Variants in TTBK1 observed in about 807,000 individuals in gnomAD.
The protein encoded by TTBK1 is tau tubulin kinase 1.
In TTBK1, 34 loss-of-function variants were observed where a neutral mutation model predicts 108.5. The observed-to-expected ratio is 0.31, with a 90% CI of 0.24 to 0.42. The LOEUF (loss-of-function observed/expected upper bound fraction) is 0.42. Ranked by LOEUF, TTBK1 falls within the 10% of genes least tolerant of loss-of-function variation. TTBK1 has a pLI of 1.00. For missense variants in TTBK1, 1,539 were observed against 1,826.0 expected (o/e 0.84, Z 2.86); for synonymous variants, 809 against 795.1 (o/e 1.02, Z -0.29).
chr6:43,277,953 G>C (rs762504273), intron 13 of TTBK1, among the ~76,000 whole-genome samples: 1 of 152,138 alleles, frequency 6.6e-6, no homozygotes, highest in African/African-American at 2.4e-5. Flanking sequence ...ACAAGCCTCC[G>C]ACCTCAGCAT....
chr6:43,264,275 TG>T (rs767840396), intron 13 of TTBK1, among the ~76,000 whole-genome samples: 1 of 151,852 alleles, frequency 6.6e-6, no homozygotes, highest in Non-Finnish European at 1.5e-5. Flanking sequence ...CCCAGCTACT[TG>T]GGAGGCTGAG....
Position 43,283,440 on chromosome 6 carries a change from TGGGGCAGGGCTGGGGGCC to T in TTBK1, c.2704_2721del (p.Ala902_Gly907del). ...AGTCTGAGCCCAAGCCCCCGGGGCC[TGGGGCAGGGCTGGGGGCC>T]GGGACAGTGACCACAGGGGTCGGGG... On this transcript the variant is annotated inframe_deletion, in exon 14 of 15. Coordinates refer to ENST00000259750, the MANE Select transcript of TTBK1 (RefSeq NM_032538.3). This position sits in a 1 kb window ranked among gnomAD's most constrained non-coding sequence, Gnocchi z 8.1. The T allele has an allele frequency of 6.2e-7, 1 of 1,613,370 alleles. No individual in the cohort carries two copies. Among genetic ancestry groups the T allele is most frequent in the East Asian group, 2.2e-5 (1 of 44,818 alleles).
At chr6:43,271,420 C>T in intron 13 of TTBK1, 1 of 985,422 alleles carries the variant, frequency 1.0e-6, no homozygotes, top group Non-Finnish European at 1.2e-6. Flanking sequence ...TTGCACAGTG[C>T]TGTATGAGTG....
rs943652872 is a variant in TTBK1, at chr6:43,265,133, C to T, written c.1986+1783C>T. 6.6e-6 allele frequency among the ~76,000 whole-genome samples: 1 copy of T among 152,116 alleles called. No individual in the cohort carries two copies. Among genetic ancestry groups the T allele is most frequent in the Non-Finnish European group, 1.5e-5 (1 of 68,024 alleles). On this transcript the variant is annotated intron_variant, in intron 13 of 14. Transcript: ENST00000259750. The surrounding 1 kb of genome is among the most constrained non-coding windows in gnomAD (Gnocchi z 4.1). ...AACCCACAGAGGGGCTGGGGAGAGT[C>T]ATGGAGGGGATGCCGGAAGGGGCTC...
intron 1 of TTBK1, among the ~76,000 whole-genome samples, chr6:43,245,072 T>A (rs555707310): frequency 3.1e-4 from 47 of 152,296 alleles, no homozygotes; most frequent in African/African-American, 1.1e-3. Context: ...CTTCTCCATA[T>A]GTCCACCATG....
In TTBK1 at chr6:43,285,100, G is replaced by A. The variant is rs1454253625; in HGVS notation, c.3690G>A (p.Pro1230=). 2 of 1,477,858 alleles carry A rather than the reference G, an allele frequency of 1.4e-6. No homozygotes were observed. The highest frequency in any genetic ancestry group is 2.9e-5 in the East Asian group (1 of 33,990). 91.5% of individuals were successfully genotyped at this position (1,477,858 alleles called of 1,614,324 possible). ...RAQAGARPPA[P]RSPRLPASTS... ...AAGCCGGAGCCAGGCCCCCAGCGCC[G>A]CGCAGCCCGCGCCTCCCCGCGTCCA... The change falls in exon 15 of 15, where the codon CCG becomes CCA. Residue 1230 remains proline, a synonymous_variant. Transcript: ENST00000259750. This position sits in a 1 kb window ranked among gnomAD's most constrained non-coding sequence, Gnocchi z 4.7.
chr6:43,279,205 C>T (rs933257283), intron 13 of TTBK1, among the ~76,000 whole-genome samples: 8 of 152,162 alleles, frequency 5.3e-5, no homozygotes, highest in African/African-American at 1.9e-4. Flanking sequence ...GAAAGGGTTC[C>T]ACCTACAACC....
chr6:43,267,447 C>G (rs1777711153), intron 13 of TTBK1, among the ~76,000 whole-genome samples: 1 of 152,090 alleles, frequency 6.6e-6, no homozygotes, highest in African/African-American at 2.4e-5. Flanking sequence ...TTGGAGGCGC[C>G]CTCTCTAGAC....
Position 43,259,470 on chromosome 6 carries a change from G to A in TTBK1, c.1249-61G>A, listed in dbSNP as rs1472498453. On this transcript the variant is annotated intron_variant, in intron 11 of 14. Transcript: ENST00000259750. This position sits in a 1 kb window ranked among gnomAD's most constrained non-coding sequence, Gnocchi z 6.7. ...CATCCTCTGTCTCCTTCACCCTGAGGAGACCATCCGCCCACAGCCGCCTCA... is the reference window on the plus strand; with the variant it reads ...CATCCTCTGTCTCCTTCACCCTGAGAAGACCATCCGCCCACAGCCGCCTCA... 6.7e-7 allele frequency: 1 copy of A among 1,494,368 alleles called. No homozygotes were observed. The highest frequency in any genetic ancestry group is 8.9e-7 in the Non-Finnish European group (1 of 1,118,658). 92.6% of individuals were successfully genotyped at this position (1,494,368 alleles called of 1,614,324 possible). A position where few individuals can be genotyped will look rare whatever the true frequency, so the allele number is the denominator to read the frequency against.
chr6:43,285,523 C>A lies in TTBK1; in HGVS notation c.*147C>A. On this transcript the variant is annotated 3_prime_UTR_variant, in exon 15 of 15. Coordinates refer to ENST00000259750, the MANE Select transcript of TTBK1 (RefSeq NM_032538.3). This position sits in a 1 kb window ranked among gnomAD's most constrained non-coding sequence, Gnocchi z 4.7. ...CTTTCCGCCTGCACCCGCGAGGACG[C>A]GCGCGAGCACACGCGGCGCCCCGCC... is the stretch of plus-strand genomic sequence containing the variant. The A allele has an allele frequency of 9.2e-7, 1 of 1,083,452 alleles. No individual in the cohort carries two copies. Among genetic ancestry groups the A allele is most frequent in the Non-Finnish European group, 1.2e-6 (1 of 858,166 alleles). 67.1% of individuals were successfully genotyped at this position (1,083,452 alleles called of 1,614,324 possible). A position where few individuals can be genotyped will look rare whatever the true frequency, so the allele number is the denominator to read the frequency against.
intron 2 of TTBK1, among the ~76,000 whole-genome samples, chr6:43,247,066 T>C (rs1055336362): frequency 3.3e-5 from 5 of 152,078 alleles, no homozygotes; most frequent in African/African-American, 1.2e-4. Context: ...CAGAGGCCAG[T>C]GTGGCGGAGG....
chr6:43,269,688 C>A lies in TTBK1; in HGVS notation c.1986+6338C>A, dbSNP rs1191167799. The A allele has an allele frequency of 1.9e-6, 3 of 1,611,148 alleles. No individual in the cohort carries two copies. The highest frequency in any genetic ancestry group is 3.3e-5 in the Admixed American group (2 of 59,994). ...GGGGCACTCCCTCCCGCGGTACAGC[C>A]CCCTGCGACGACTGGCGTCCTCCGT... On this transcript the variant is annotated intron_variant, in intron 13 of 14. Coordinates refer to ENST00000259750, the MANE Select transcript of TTBK1 (RefSeq NM_032538.3). This position sits in a 1 kb window ranked among gnomAD's most constrained non-coding sequence, Gnocchi z 4.8.
At position 43,283,063 on chromosome 6, in the gene TTBK1, G is replaced by A. The variant is rs780307152; in HGVS notation, c.2323G>A (p.Ala775Thr). The A allele has an allele frequency of 3.8e-6, 6 of 1,588,574 alleles. No homozygotes were observed. The highest frequency in any genetic ancestry group is 1.1e-5 in the South Asian group (1 of 87,814). ...EEEEEEEAAAAVALGEVLGPR... is the reference protein window; with the variant it reads ...EEEEEEEAAATVALGEVLGPR... ...GGAAGAGGAGGAGGAGGCTGCAGCG[G>A]CAGTTGCCTTGGGGGAGGTGCTGGG... The change falls in exon 14 of 15, where the codon GCA (alanine) becomes ACA (threonine). Residue 775 changes from alanine to threonine, a missense_variant. By Grantham distance (58) the Ala-to-Thr change is moderately conservative (BLOSUM62 0). Around this residue, in one of 5 missense-constraint regions of TTBK1, gnomAD observed 1,055 missense variants for 1,086.5 expected, o/e 0.97. Transcript: ENST00000259750. This position sits in a 1 kb window ranked among gnomAD's most constrained non-coding sequence, Gnocchi z 8.1.
At position 43,246,787 on chromosome 6, in the gene TTBK1, G is replaced by T. The variant is rs763296974; in HGVS notation, c.108+19G>T. The T allele has an allele frequency of 6.3e-7, 1 of 1,592,354 alleles. No individual in the cohort carries two copies. Among genetic ancestry groups the T allele is most frequent in the East Asian group, 2.3e-5 (1 of 44,356 alleles). On this transcript the variant is annotated intron_variant, in intron 2 of 14. Coordinates refer to ENST00000259750, the MANE Select transcript of TTBK1 (RefSeq NM_032538.3). ...GAAGGTGGTGAGTGAGTGACCCGGCGGGACAGAGGGAGGGTAGCGGGGAGG... is the reference window on the plus strand; with the variant it reads ...GAAGGTGGTGAGTGAGTGACCCGGCTGGACAGAGGGAGGGTAGCGGGGAGG...
chr6:43,256,974 G>A (rs1777399083), intron 9 of TTBK1, among the ~76,000 whole-genome samples: 1 of 152,172 alleles, frequency 6.6e-6, no homozygotes, highest in Non-Finnish European at 1.5e-5. Flanking sequence ...CCTGATCAGA[G>A]AATGGGGGAA....
In TTBK1 at chr6:43,243,517, C is replaced by A. The variant is rs1350750507; in HGVS notation, c.-246C>A. ...CTCCCCGCTCTGCCGCTGCCGCCGC[C>A]GTCGCCCAAGGAGGATCGGGGCCGG... is the stretch of plus-strand genomic sequence containing the variant. On this transcript the variant is annotated 5_prime_UTR_variant, in exon 1 of 15. Transcript: ENST00000259750. The surrounding 1 kb of genome is among the most constrained non-coding windows in gnomAD (Gnocchi z 5.5). Among the ~76,000 whole-genome samples the A allele has an allele frequency of 2.0e-5, 3 of 151,996 alleles. No individual in the cohort carries two copies. The highest frequency in any genetic ancestry group is 7.2e-5 in the African/African-American group (3 of 41,434).
rs1214355154 is a variant in TTBK1 at position 43,276,365 on chromosome 6, CG to C, written c.1987-6356del. Among the ~76,000 whole-genome samples the C allele has an allele frequency of 6.6e-6, 1 of 152,104 alleles. No homozygotes were observed. Among genetic ancestry groups the C allele is most frequent in the Non-Finnish European group, 1.5e-5 (1 of 68,012 alleles). On this transcript the variant is annotated intron_variant, in intron 13 of 14. Coordinates refer to ENST00000259750, the MANE Select transcript of TTBK1 (RefSeq NM_032538.3). The surrounding 1 kb of genome is among the most constrained non-coding windows in gnomAD (Gnocchi z 5.4). ...TCCTCCTTAGTGTACATAGCGGCGTCGGGGGGTGGCCCCAGGCCCGGGTAGA... is the reference window on the plus strand; with the variant it reads ...TCCTCCTTAGTGTACATAGCGGCGTCGGGGGTGGCCCCAGGCCCGGGTAGA...
chr6:43,258,316 C>G (rs1323440242), intron 10 of TTBK1, among the ~76,000 whole-genome samples: 1 of 152,156 alleles, frequency 6.6e-6, no homozygotes, highest in Non-Finnish European at 1.5e-5. Flanking sequence ...GCTCCTGCCC[C>G]CAAAGCACTC....
rs1219710322 is a variant in TTBK1, at chr6:43,258,579, A to G, written c.1017-459A>G. Among the ~76,000 whole-genome samples the G allele has an allele frequency of 5.3e-5, 8 of 149,886 alleles. No homozygotes were observed. The East Asian group carries it at 9.9e-4, about 19-fold the overall frequency. ...ATTGCTTAAAGAACTCGAAAGTTTA[A>G]TCATCAAAGAAGATTAAATAAAAAA... On this transcript the variant is annotated intron_variant, in intron 10 of 14. Transcript: ENST00000259750.
Sources: gnomAD v4.1 joint callset for allele counts (sites outside exome capture counted in the v4.1 genomes callset) on GRCh38, gnomAD v4.1.1 for gene constraint, gnomAD v4.1.1 regional missense constraint, Gnocchi (gnomAD v3.1) non-coding constraint, MANE v1.5 for transcripts, NCBI Gene and HGNC (gene_info 2026-07-23, HGNC 2026-07-21) for gene names.